Variants in EYS observed in about 807,000 individuals in gnomAD.
EYS encodes protein eyes shut homolog.
In EYS, 250 loss-of-function variants were observed where a neutral mutation model predicts 282.1. The ratio of observed to expected loss-of-function variants is 0.89; its 90% CI spans 0.80 to 0.98. The LOEUF is 0.98. Among genes scored for constraint, EYS ranks in the 50% least tolerant of loss-of-function variants. The pLI is 0.00. For synonymous variants in EYS, 1,355 were observed against 1,282.9 expected (o/e 1.06, Z -1.20); for missense variants, 4,016 against 3,709.0 (o/e 1.08, Z -2.15).
intron 36 of EYS, among the ~76,000 whole-genome samples, chr6:63,828,823 A>G (rs1771544548): frequency 6.6e-6 from 1 of 152,168 alleles, no homozygotes; most frequent in Admixed American, 6.5e-5. Context: ...GTTTGTGTGG[A>G]TGTGGTGAAC....
At chr6:65,644,621 T>A (rs576828583) in intron 1 of EYS, among the ~76,000 whole-genome samples, 2 of 152,326 alleles carry the variant, frequency 1.3e-5, no homozygotes, top group Admixed American at 1.3e-4. Context: ...CATTAGGTTA[T>A]CTGAAGTCAA....
chr6:64,923,376 G>C (rs776480750), intron 15 of EYS, among the ~76,000 whole-genome samples: 9 of 152,104 alleles, frequency 5.9e-5, no homozygotes, highest in Non-Finnish European at 1.0e-4. Context: ...CTCCCCCTGG[G>C]TCCCTTCCAT....
At chr6:64,448,945 G>A (rs535112747) in intron 26 of EYS, among the ~76,000 whole-genome samples, 10 of 152,312 alleles carry the variant, frequency 6.6e-5, no homozygotes, top group Admixed American at 4.6e-4. Flanking sequence ...AAAAATCAGA[G>A]AGCATCTCCT....
chr6:64,864,636 G>A (rs919830865), intron 19 of EYS, among the ~76,000 whole-genome samples: 8 of 150,816 alleles, frequency 5.3e-5, no homozygotes, highest in African/African-American at 1.9e-4. Context: ...CACCTGCCGC[G>A]GCCTTTCAAA....
intron 31 of EYS, among the ~76,000 whole-genome samples, chr6:64,179,576 A>G (rs960297780): frequency 6.6e-6 from 1 of 152,130 alleles, no homozygotes; most frequent in African/African-American, 2.4e-5. Context: ...TATTCCAAAA[A>G]TGTTGAATTA....
intron 12 of EYS, among the ~76,000 whole-genome samples, chr6:65,239,766 T>C (rs1398056836): frequency 1.1e-4 from 16 of 152,094 alleles, no homozygotes; most frequent in Non-Finnish European, 2.9e-5. Flanking sequence ...CATGGCTATG[T>C]TTACCTCAGT....
chr6:64,399,699 A>C (rs2150435259), intron 28 of EYS, among the ~76,000 whole-genome samples: 1 of 152,030 alleles, frequency 6.6e-6, no homozygotes, highest in South Asian at 2.1e-4. Context: ...TTTTAATATA[A>C]GTTTTCTGTT....
intron 12 of EYS, among the ~76,000 whole-genome samples, chr6:65,117,470 A>C (rs930701173): frequency 4.6e-5 from 7 of 152,132 alleles, no homozygotes; most frequent in Non-Finnish European, 1.0e-4. Context: ...TAATTACATA[A>C]AGGGAGTAAT....
intron 22 of EYS, among the ~76,000 whole-genome samples, chr6:64,782,004 A>G (rs1773877920): frequency 6.6e-6 from 1 of 152,184 alleles, no homozygotes; most frequent in African/African-American, 2.4e-5. Context: ...TATGCCATTT[A>G]ACTTCTTTGG....
chr6:63,903,419 T>C (rs143188169), intron 35 of EYS, among the ~76,000 whole-genome samples: 1 of 152,192 alleles, frequency 6.6e-6, no homozygotes, highest in African/African-American at 2.4e-5. Context: ...AAAGGGAAAT[T>C]TGTAAGAATA....
At chr6:64,944,743 C>T (rs531311584) in intron 15 of EYS, among the ~76,000 whole-genome samples, 3 of 152,020 alleles carry the variant, frequency 2.0e-5, no homozygotes, top group Non-Finnish European at 2.9e-5. Context: ...CTGAATGTCT[C>T]GGTATAAAAC....
intron 34 of EYS, among the ~76,000 whole-genome samples, chr6:63,994,486 C>T (rs1767745188): frequency 6.6e-6 from 1 of 151,882 alleles, no homozygotes; most frequent in South Asian, 2.1e-4. Flanking sequence ...GCCTTGAATT[C>T]CTTTTTCACT....
At chr6:65,042,787 C>T (rs1352555750) in intron 13 of EYS, among the ~76,000 whole-genome samples, 3 of 151,068 alleles carry the variant, frequency 2.0e-5, no homozygotes, top group South Asian at 4.1e-4. Context: ...TGTAAGTTTC[C>T]ACTTGGTGCT....
At chr6:64,951,030 A>T (rs964648183) in intron 14 of EYS, among the ~76,000 whole-genome samples, 7 of 151,432 alleles carry the variant, frequency 4.6e-5, no homozygotes, top group Admixed American at 2.0e-4. Flanking sequence ...TTTGAATGAA[A>T]AGAAAACACT....
rs555872075 is a variant in EYS at position 63,763,304 on chromosome 6, T to C, written c.7899-671A>G. The stretch of plus-strand genomic sequence containing the variant: ...CCTTGTCTGGGTTTAGAGAGTGATA[T>C]TGGGAGGAGCCCAGCAGAAAACTTT... On this transcript the variant is annotated intron_variant, in intron 40 of 42. Transcript: ENST00000503581. Among the ~76,000 whole-genome samples the C allele has an allele frequency of 2.2e-4, 33 of 152,120 alleles. No homozygotes were observed. In the South Asian group the frequency reaches 4.4e-3, roughly 20 times the overall value.
At chr6:64,521,031 C>T (rs757985043) in intron 26 of EYS, among the ~76,000 whole-genome samples, 12 of 151,722 alleles carry the variant, frequency 7.9e-5, no homozygotes, top group Non-Finnish European at 5.9e-5. Context: ...TCCAGCAATG[C>T]GGACAGGCAA....
intron 26 of EYS, among the ~76,000 whole-genome samples, chr6:64,572,774 A>T (rs1765766682): frequency 6.6e-6 from 1 of 152,214 alleles, no homozygotes; most frequent in African/African-American, 2.4e-5. Flanking sequence ...ATAAGAGAGG[A>T]TGTAAACAAA....
intron 31 of EYS, among the ~76,000 whole-genome samples, chr6:64,216,842 T>G (rs1423100952): frequency 6.6e-6 from 1 of 152,122 alleles, no homozygotes; most frequent in African/African-American, 2.4e-5. Flanking sequence ...AATTTTGAGC[T>G]AAAAGGGGCT....
chr6:64,796,469 G>A (rs897209371), intron 22 of EYS, among the ~76,000 whole-genome samples: 2 of 152,142 alleles, frequency 1.3e-5, no homozygotes, highest in African/African-American at 4.8e-5. Flanking sequence ...AGGAGTTAGA[G>A]ATTTAGTAGG....
Sources: allele counts gnomAD v4.1 joint callset (sites outside exome capture counted in the v4.1 genomes callset), GRCh38; gene constraint gnomAD v4.1.1; transcripts MANE v1.5; gene names NCBI Gene and HGNC (gene_info 2026-07-23, HGNC 2026-07-21).